The following BFSP1 variants were observed in gnomAD, a reference collection of about 807,000 sequenced individuals.
The protein encoded by BFSP1 is beaded filament structural protein 1.
A neutral mutation model predicts 43.9 loss-of-function variants in BFSP1; 38 were observed. That is an observed-to-expected ratio of 0.87 (90% confidence interval 0.67 to 1.14). BFSP1 has a LOEUF of 1.14. Ranked by LOEUF, BFSP1 falls within the 50% of genes most tolerant of loss-of-function variation. BFSP1 has a pLI of 0.00. For missense variants in BFSP1, 850 were observed against 875.1 expected (o/e 0.97, Z 0.36); for synonymous variants, 352 against 354.8 (o/e 0.99, Z 0.09).
chr20:17,538,547 A>T (rs1238496154), intron 1 of BFSP1, among the ~76,000 whole-genome samples: 1 of 152,224 alleles, frequency 6.6e-6, no homozygotes. Context: ...TCATGATCTC[A>T]GCAACCAGGA....
chr20:17,561,979 G>C (rs556080727), upstream of BFSP1, among the ~76,000 whole-genome samples: 27 of 151,992 alleles, frequency 1.8e-4, 1 homozygote, highest in African/African-American at 6.0e-4. Context: ...GGAGTATGAC[G>C]GCGCGATCTC....
At chr20:17,555,288 C>CAAAAAA (rs929219257) in intron 1 of BFSP1, among the ~76,000 whole-genome samples, 36 of 43,806 alleles carry the variant, frequency 8.2e-4, no homozygotes, top group Non-Finnish European at 1.2e-3. Flanking sequence ...TCCTATCTCA[C>CAAAAAA]AAAAAAAAAA....
rs192598952 is a variant in BFSP1 at position 17,507,892 on chromosome 20, T to C, written c.735+997A>G. ...CCTGAGAGCTGCTGCACTGTGAGTT[T>C]TGTGTGGTGCGTGCTGGGATGGGAA... On this transcript the variant is annotated intron_variant, in intron 5 of 7. Transcript: ENST00000377873. This position sits in a 1 kb window ranked among gnomAD's most constrained non-coding sequence, Gnocchi z 4.4. Among the ~76,000 whole-genome samples the C allele has an allele frequency of 9.1e-4, 138 of 152,198 alleles. No homozygotes were observed. Among genetic ancestry groups the C allele is most frequent in the Non-Finnish European group, 1.5e-3 (101 of 68,000 alleles).
intron 5 of BFSP1, among the ~76,000 whole-genome samples, chr20:17,503,569 A>T (rs777584528): frequency 3.0e-4 from 45 of 152,196 alleles, no homozygotes; most frequent in Admixed American, 3.3e-4. Flanking sequence ...TCCACTTTAC[A>T]GATGAGGAAA....
intron 1 of BFSP1, among the ~76,000 whole-genome samples, chr20:17,542,161 G>A (rs942799883): frequency 6.6e-5 from 10 of 152,134 alleles, no homozygotes; most frequent in African/African-American, 2.4e-4. Context: ...AGTAGATCAT[G>A]AGAGCCAATT....
At chr20:17,556,874 A>G (rs1169158835) in intron 1 of BFSP1, among the ~76,000 whole-genome samples, 1 of 151,982 alleles carries the variant, frequency 6.6e-6, no homozygotes, top group Non-Finnish European at 1.5e-5. Context: ...ATAAATCTGT[A>G]TTTTTTTAAT....
At chr20:17,508,545 C>A (rs184885424) in intron 5 of BFSP1, among the ~76,000 whole-genome samples, 1 of 152,256 alleles carries the variant, frequency 6.6e-6, no homozygotes, top group African/African-American at 2.4e-5. Flanking sequence ...GAAGCTTGAC[C>A]TGGGCAAAAT....
At chr20:17,506,908 G>C (rs575063646) in intron 5 of BFSP1, 5 of 152,174 alleles carry the variant, frequency 3.3e-5, no homozygotes, top group East Asian at 3.9e-4. Flanking sequence ...AATGCCACGG[G>C]TGGGAGTGGA....
intron 1 of BFSP1, among the ~76,000 whole-genome samples, chr20:17,529,489 G>C (rs1316362065): frequency 6.6e-6 from 1 of 151,784 alleles, no homozygotes; most frequent in East Asian, 1.9e-4. Context: ...CAGGTAGCCA[G>C]TGTCATTGGG....
chr20:17,528,471 C>T (rs574590491), intron 1 of BFSP1, among the ~76,000 whole-genome samples: 2 of 152,334 alleles, frequency 1.3e-5, no homozygotes, highest in South Asian at 4.1e-4. Context: ...CAAGCTGCCC[C>T]GGATGTCTGA....
Position 17,502,935 on chromosome 20 carries a change from T to A in BFSP1, c.736-3895A>T, listed in dbSNP as rs568228013. Among the ~76,000 whole-genome samples, 4 of 152,008 alleles carry A rather than the reference T, an allele frequency of 2.6e-5. No individual in the cohort carries two copies. The South Asian group carries it at 8.3e-4, about 32-fold the overall frequency. On this transcript the variant is annotated intron_variant, in intron 5 of 7. Coordinates refer to ENST00000377873, the MANE Select transcript of BFSP1 (RefSeq NM_001195.5). ...ATCTCAAAGAAGTGTTGGAATTACATGGTGAGGGAAGTGTGTGGGGCTGTA... is the reference window on the plus strand; with the variant it reads ...ATCTCAAAGAAGTGTTGGAATTACAAGGTGAGGGAAGTGTGTGGGGCTGTA...
chr20:17,524,283 G>C (rs780084547), intron 2 of BFSP1, among the ~76,000 whole-genome samples: 2 of 152,114 alleles, frequency 1.3e-5, no homozygotes, highest in Non-Finnish European at 2.9e-5. Context: ...ATCCCAAGAA[G>C]GAAATCACCA....
intron 6 of BFSP1, among the ~76,000 whole-genome samples, chr20:17,497,554 G>GTA (rs148525418): frequency 1.1e-3 from 51 of 46,524 alleles, no homozygotes; most frequent in East Asian, 5.3e-3. Context: ...GTGTATATAT[G>GTA]TATATGTGTG....
intron 1 of BFSP1, among the ~76,000 whole-genome samples, chr20:17,567,625 G>A (rs2035134592): frequency 6.6e-6 from 1 of 152,112 alleles, no homozygotes; most frequent in African/African-American, 2.4e-5. Context: ...ACTTTGGGAG[G>A]CCAAGGTGGC....
chr20:17,555,901 C>T (rs181353645), intron 1 of BFSP1, among the ~76,000 whole-genome samples: 3 of 151,864 alleles, frequency 2.0e-5, no homozygotes, highest in Admixed American at 1.3e-4. Flanking sequence ...AACAAGGGCC[C>T]ATCAAATATT....
In BFSP1 at chr20:17,516,015, C is replaced by T. The variant is rs143644017; in HGVS notation, c.439-1199G>A. ...TACTAGGGTTTCGGTCTGGCAAGGCCTTGAGACTGCACTCTTAAGAAAGGC... is the reference window on the plus strand; with the variant it reads ...TACTAGGGTTTCGGTCTGGCAAGGCTTTGAGACTGCACTCTTAAGAAAGGC... On this transcript the variant is annotated intron_variant, in intron 2 of 7. Coordinates refer to ENST00000377873, the MANE Select transcript of BFSP1 (RefSeq NM_001195.5). Among the ~76,000 whole-genome samples the T allele has an allele frequency of 2.5e-3, 386 of 152,300 alleles. 4 individuals carry two copies. Among genetic ancestry groups the T allele is most frequent in the East Asian group, 0.02 (102 of 5,182 alleles).
chr20:17,560,561 C>G (rs772564162), upstream of BFSP1: 3 of 152,216 alleles, frequency 2.0e-5, no homozygotes, highest in African/African-American at 4.8e-5. Flanking sequence ...AGTAGGACCT[C>G]AGGAAACATC....
intron 5 of BFSP1, 143 bp from the exon 6 acceptor site, chr20:17,499,183 A>G: frequency 1.4e-6 from 1 of 715,272 alleles, no homozygotes; most frequent in Non-Finnish European, 2.4e-6. Context: ...GCAATGAATC[A>G]CTTTGGAATC....
intron 1 of BFSP1, chr20:17,541,215 T>A (rs780702551): frequency 3.0e-5 from 29 of 960,844 alleles, no homozygotes; most frequent in Non-Finnish European, 3.6e-5. Context: ...AAAAAAATAA[T>A]AATTAGTGAA....
Sources: gnomAD v4.1 joint callset for allele counts (sites outside exome capture counted in the v4.1 genomes callset) on GRCh38, gnomAD v4.1.1 for gene constraint, Gnocchi (gnomAD v3.1) non-coding constraint, MANE v1.5 for transcripts, NCBI Gene and HGNC (gene_info 2026-07-23, HGNC 2026-07-21) for gene names.